The following ARHGAP6 variants were observed in gnomAD, a reference collection of about 807,000 sequenced individuals.
The protein encoded by ARHGAP6 is rho GTPase-activating protein 6.
Under a neutral mutation model 55.7 loss-of-function variants are expected in ARHGAP6, and 16 were observed. The ratio of observed to expected loss-of-function variants is 0.29; its 90% confidence interval spans 0.19 to 0.44. The LOEUF (loss-of-function observed/expected upper bound fraction) is 0.44. Ranked by LOEUF, ARHGAP6 falls within the 20% of genes least tolerant of loss-of-function variation. The probability of loss-of-function intolerance (pLI) is 1.00; values close to 1 mark genes in which losing one functional copy is unlikely to be tolerated. For missense variants in ARHGAP6, 698 were observed against 808.9 expected, an observed-to-expected ratio of 0.86 and a Z score of 1.66; for synonymous variants, 382 against 360.9, an observed-to-expected ratio of 1.06 and a Z score of -0.66.
At chrX:11,286,022 A>C (rs937200393) in intron 1 of ARHGAP6, among the ~76,000 whole-genome samples, 1 of 111,796 alleles carries the variant, frequency 8.9e-6, no homozygotes, top group Non-Finnish European at 1.9e-5. Context: ...AGCTGACTTA[A>C]GTAAGGCTCT....
chrX:11,259,751 A>C lies in ARHGAP6; in HGVS notation c.589-5044T>G, dbSNP rs148398777. 5.9e-4 allele frequency among the ~76,000 whole-genome samples: 66 copies of C among 111,661 alleles called. 1 individual carries two copies. In the East Asian group the frequency reaches 0.017, roughly 29 times the overall value. ...ACACTCTCAGAAGCCACTCTTAGCCACTACAATATTCTGGCTGGTTGTTGC... is the reference window on the plus strand; with the variant it reads ...ACACTCTCAGAAGCCACTCTTAGCCCCTACAATATTCTGGCTGGTTGTTGC... On this transcript the variant is annotated intron_variant, in intron 1 of 12. Coordinates refer to ENST00000337414, the MANE Select transcript of ARHGAP6 (RefSeq NM_013427.3).
At chrX:11,165,588 T>C (rs767128275) in intron 9 of ARHGAP6, among the ~76,000 whole-genome samples, 2 of 112,226 alleles carry the variant, frequency 1.8e-5, no homozygotes, top group East Asian at 5.6e-4. Context: ...CTAATTCTTA[T>C]AACAGTCCTG....
intron 2 of ARHGAP6, among the ~76,000 whole-genome samples, chrX:11,234,250 T>C (rs1329670832): frequency 8.9e-6 from 1 of 112,486 alleles, no homozygotes; most frequent in Admixed American, 9.4e-5. Flanking sequence ...AGCTGTGTCC[T>C]CAGACCCAGT....
chrX:11,143,713 G>A (rs753539532), intron 11 of ARHGAP6: 3 of 1,084,944 alleles, frequency 2.8e-6, no homozygotes, highest in African/African-American at 1.9e-5. Flanking sequence ...AATAGGAGTG[G>A]CTCCTCTGGG....
At chrX:11,386,784 A>C (rs1425091522) in intron 1 of ARHGAP6, among the ~76,000 whole-genome samples, 1 of 112,462 alleles carries the variant, frequency 8.9e-6, no homozygotes, top group Non-Finnish European at 1.9e-5. Context: ...AAAGAAAGAA[A>C]ATTAAACTAT....
At chrX:11,260,778 C>A (rs765085115) in intron 1 of ARHGAP6, among the ~76,000 whole-genome samples, 13 of 111,803 alleles carry the variant, frequency 1.2e-4, no homozygotes, top group Non-Finnish European at 2.4e-4. Flanking sequence ...GCAAGTCATA[C>A]AAAAACGGGC....
At chrX:11,537,502 A>G (rs946756280) in intron 1 of ARHGAP6, among the ~76,000 whole-genome samples, 2 of 112,446 alleles carry the variant, frequency 1.8e-5, no homozygotes, top group African/African-American at 3.2e-5. Context: ...AAGCTCTGGC[A>G]CAGAATCCAA....
chrX:11,412,836 A>AC (rs967784232), intron 1 of ARHGAP6, among the ~76,000 whole-genome samples: 1 of 112,593 alleles, frequency 8.9e-6, no homozygotes, highest in African/African-American at 3.2e-5. Context: ...GGTCAATGTG[A>AC]CAAATATATG....
At chrX:11,507,779 T>C (rs1317085861) in intron 1 of ARHGAP6, among the ~76,000 whole-genome samples, 2 of 111,874 alleles carry the variant, frequency 1.8e-5, no homozygotes, top group Non-Finnish European at 3.8e-5. Context: ...TCCCCCACTT[T>C]GCCCCCAGCT....
At chrX:11,385,605 T>A (rs182206838) in intron 1 of ARHGAP6, among the ~76,000 whole-genome samples, 1 of 112,289 alleles carries the variant, frequency 8.9e-6, no homozygotes, top group Admixed American at 9.5e-5. Flanking sequence ...ATCGAACTTA[T>A]GATTTTAACT....
chrX:11,496,819 G>A (rs1464797893), intron 1 of ARHGAP6, among the ~76,000 whole-genome samples: 1 of 111,730 alleles, frequency 9.0e-6, no homozygotes, highest in Non-Finnish European at 1.9e-5. Context: ...AATAGATTTA[G>A]TAGTAGGTGG....
At position 11,625,543 on chromosome X, in the gene ARHGAP6, G is replaced by A. The variant is rs540059609; in HGVS notation, c.588+38698C>T. On this transcript the variant is annotated intron_variant, in intron 1 of 12. Coordinates refer to ENST00000337414, the MANE Select transcript of ARHGAP6 (RefSeq NM_013427.3). ...TGGTTACCAGAGGCTGGGAAGGGTA[G>A]TGGGGAGGAATGAAGAGGGCTCGGC... is the stretch of plus-strand genomic sequence containing the variant. 3.8e-4 allele frequency among the ~76,000 whole-genome samples: 42 copies of A among 111,427 alleles called. No homozygotes were observed. The South Asian group carries it at 0.015, about 38-fold the overall frequency.
chrX:11,138,859 G>A lies in ARHGAP6; in HGVS notation c.*4C>T, dbSNP rs2045580066. On this transcript the variant is annotated 3_prime_UTR_variant, in exon 13 of 13. Coordinates refer to ENST00000337414, the MANE Select transcript of ARHGAP6 (RefSeq NM_013427.3). ...GGGCAGGGGGGGCTCGGCTGGGTGC[G>A]GGCTCAGACCAGCGTCTCGGGCAGG... The A allele has an allele frequency of 1.7e-6, 2 of 1,176,384 alleles. No individual in the cohort carries two copies. The highest frequency in any genetic ancestry group is 2.3e-6 in the Non-Finnish European group (2 of 884,268).
intron 2 of ARHGAP6, among the ~76,000 whole-genome samples, chrX:11,205,651 C>CCAATTTT (rs1162426861): frequency 1.8e-5 from 2 of 111,196 alleles, no homozygotes; most frequent in East Asian, 5.6e-4. Flanking sequence ...ACTTTTTGTC[C>CCAATTTT]CAATTTTCTA....
chrX:11,615,025 C>A (rs1389273631), intron 1 of ARHGAP6, among the ~76,000 whole-genome samples: 2 of 110,822 alleles, frequency 1.8e-5, no homozygotes, highest in Non-Finnish European at 3.8e-5. Context: ...GGACCCATTC[C>A]CAGTTGCTAA....
intron 10 of ARHGAP6, among the ~76,000 whole-genome samples, chrX:11,155,551 C>T (rs147431995): frequency 0.011 from 1,247 of 111,573 alleles, 19 homozygotes; most frequent in African/African-American, 0.038. Flanking sequence ...CTGCCCGCCT[C>T]GGCATCCCAA....
intron 1 of ARHGAP6, among the ~76,000 whole-genome samples, chrX:11,491,938 T>A (rs1298988232): frequency 9.2e-6 from 1 of 108,161 alleles, no homozygotes; most frequent in African/African-American, 3.4e-5. Flanking sequence ...TCATTGTGGT[T>A]TTGATTTGCA....
Position 11,643,130 on chromosome X carries a change from T to C in ARHGAP6, c.588+21111A>G, listed in dbSNP as rs750222991. ...ACACACAAAAGTTCATACTATAGAGTCCTTTCCCCTGCATGATTCCAGTCT... is the reference window on the plus strand; with the variant it reads ...ACACACAAAAGTTCATACTATAGAGCCCTTTCCCCTGCATGATTCCAGTCT... On this transcript the variant is annotated intron_variant, in intron 1 of 12. Coordinates refer to ENST00000337414, the MANE Select transcript of ARHGAP6 (RefSeq NM_013427.3). 3.6e-5 allele frequency among the ~76,000 whole-genome samples: 4 copies of C among 111,214 alleles called. No individual in the cohort carries two copies. The East Asian group carries it at 8.5e-4, about 24-fold the overall frequency.
chrX:11,570,497 T>C (rs764349284), intron 1 of ARHGAP6, among the ~76,000 whole-genome samples: 122 of 110,884 alleles, frequency 1.1e-3, no homozygotes, highest in Non-Finnish European at 1.8e-3. Context: ...TAGAAATTAT[T>C]GAGTGCTTAC....
Sources: gnomAD v4.1 joint callset for allele counts (sites outside exome capture counted in the v4.1 genomes callset) on GRCh38, gnomAD v4.1.1 for gene constraint, MANE v1.5 for transcripts, NCBI Gene and HGNC (gene_info 2026-07-23, HGNC 2026-07-21) for gene names.